Variants in RBFOX1 observed in about 807,000 individuals in gnomAD.
RBFOX1 encodes the protein RNA binding fox-1 homolog 1.
A neutral mutation model predicts 57.7 loss-of-function variants in RBFOX1; 8 were observed. That is an observed-to-expected ratio of 0.14 (90% confidence interval 0.08 to 0.25). The LOEUF is 0.25. RBFOX1 is among the 10% of genes least tolerant of loss of function. The pLI is 1.00. For missense variants in RBFOX1, 611 were observed against 548.5 expected, an observed-to-expected ratio of 1.11 and a Z score of -1.14; for synonymous variants, 326 against 222.4, an observed-to-expected ratio of 1.47 and a Z score of -4.15.
intron 4 of RBFOX1, among the ~76,000 whole-genome samples, chr16:7,073,748 A>G (rs1216599303): frequency 1.3e-5 from 2 of 152,140 alleles, no homozygotes; most frequent in Admixed American, 6.5e-5. Flanking sequence ...CCTTGGTACC[A>G]GTTACTCAGG....
At chr16:7,448,927 G>T (rs79537860) in intron 4 of RBFOX1, among the ~76,000 whole-genome samples, 1,402 of 82,866 alleles carry the variant, frequency 0.017, 29 homozygotes, top group African/African-American at 0.043. Context: ...TCTTTCCCCT[G>T]TTTTTTTTTT....
intron 4 of RBFOX1, among the ~76,000 whole-genome samples, chr16:7,185,152 G>C (rs1383323181): frequency 6.6e-6 from 1 of 152,100 alleles, no homozygotes. Flanking sequence ...ACTTTGCAAA[G>C]TGTCAACCGC....
At chr16:5,254,080 C>A (rs541382092) in intron 1 of RBFOX1, among the ~76,000 whole-genome samples, 1 of 152,224 alleles carries the variant, frequency 6.6e-6, no homozygotes, top group Non-Finnish European at 1.5e-5. Flanking sequence ...ATGCCTGTTT[C>A]TGATTCTCAT....
chr16:7,184,808 C>T (rs1045696488), intron 4 of RBFOX1, among the ~76,000 whole-genome samples: 1 of 152,112 alleles, frequency 6.6e-6, no homozygotes, highest in Non-Finnish European at 1.5e-5. Context: ...TGTATCAACT[C>T]AGAACTTTAG....
rs546481742 is a variant in RBFOX1 at position 5,876,479 on chromosome 16, T to A, written c.351+9144T>A. On this transcript the variant is annotated intron_variant, in intron 4 of 19. Coordinates refer to the RBFOX1 transcript ENST00000641259. Reference sequence around the variant, plus strand: ...TTAGAAAGTGAAGTCAGGAGTCACCTCCAGTCTCTTAGAGGCAAAGGCTCA... The same window carrying A: ...TTAGAAAGTGAAGTCAGGAGTCACCACCAGTCTCTTAGAGGCAAAGGCTCA... 3.1e-4 allele frequency among the ~76,000 whole-genome samples: 47 copies of A among 152,208 alleles called. 1 individual carries two copies. The East Asian group carries it at 8.3e-3, about 27-fold the overall frequency.
chr16:5,548,728 C>G (rs4442812), intron 2 of RBFOX1, among the ~76,000 whole-genome samples: 43,791 of 152,026 alleles, frequency 0.29, 6,958 homozygotes, highest in Non-Finnish European at 0.35. Context: ...ATTTCACTGT[C>G]TTGAGTGAGA....
intron 1 of RBFOX1, 119 bp downstream of exon 1, chr16:6,020,111 T>G: frequency 8.6e-7 from 1 of 1,167,078 alleles, no homozygotes; most frequent in South Asian, 2.3e-5. Flanking sequence ...AGCGCCAGTC[T>G]GGGCGCTCTG....
chr16:5,984,910 A>G (rs1168950564), intron 4 of RBFOX1, among the ~76,000 whole-genome samples: 1 of 149,084 alleles, frequency 6.7e-6, no homozygotes, highest in Non-Finnish European at 1.5e-5. Context: ...GTAAAAAGAC[A>G]GAATAAAAAT....
intron 1 of RBFOX1, among the ~76,000 whole-genome samples, chr16:5,363,153 C>A (rs2065602976): frequency 6.6e-6 from 1 of 150,926 alleles, no homozygotes; most frequent in African/African-American, 2.4e-5. Context: ...CCTGCTTCAG[C>A]CTCCTGAGTA....
intron 1 of RBFOX1, among the ~76,000 whole-genome samples, chr16:6,256,205 ATATGTG>A (rs2097663391): frequency 1.9e-4 from 7 of 36,448 alleles, no homozygotes; most frequent in African/African-American, 4.3e-4. Flanking sequence ...ATGTATATGT[ATATGTG>A]TATATATATG....
rs2095317101 is a variant in RBFOX1 at position 7,607,306 on chromosome 16, T to C, written c.644T>C (p.Val215Ala). Residue 215 changes from valine to alanine, a missense_variant, in exon 10 of 16, where the codon GTG (valine) becomes GCG (alanine). Val to Ala is a moderately conservative substitution (Grantham distance 64). Transcript: ENST00000550418. The part of the protein sequence containing the change: ...YTNGWKLNPV[V>A]GAVYSPEFYA... ...TAAGGCTGGAAATTGAATCCAGTTGTGGGTGCAGTCTACAGTCCCGAATTC... is the reference window on the plus strand; with the variant it reads ...TAAGGCTGGAAATTGAATCCAGTTGCGGGTGCAGTCTACAGTCCCGAATTC... The C allele has an allele frequency of 1.9e-6, 3 of 1,610,802 alleles. No homozygotes were observed. Among genetic ancestry groups the C allele is most frequent in the Non-Finnish European group, 2.5e-6 (3 of 1,179,188 alleles).
intron 4 of RBFOX1, among the ~76,000 whole-genome samples, chr16:7,391,076 A>G (rs886640814): frequency 1.3e-5 from 2 of 152,214 alleles, no homozygotes; most frequent in South Asian, 2.1e-4. Context: ...CTAGTCCTTA[A>G]GAACATAGCT....
chr16:6,869,201 C>T (rs2060450784), intron 3 of RBFOX1, among the ~76,000 whole-genome samples: 1 of 152,208 alleles, frequency 6.6e-6, no homozygotes, highest in South Asian at 2.1e-4. Context: ...TTCCTTCCCC[C>T]ACTTGCCATT....
At chr16:7,239,133 T>C (rs937179306) in intron 4 of RBFOX1, among the ~76,000 whole-genome samples, 3 of 152,222 alleles carry the variant, frequency 2.0e-5, no homozygotes, top group Non-Finnish European at 2.9e-5. Context: ...TATCATTTTC[T>C]CCTTTGCCTT....
At chr16:7,462,363 T>C (rs990726109) in intron 4 of RBFOX1, among the ~76,000 whole-genome samples, 1 of 152,168 alleles carries the variant, frequency 6.6e-6, no homozygotes, top group Admixed American at 6.5e-5. Flanking sequence ...GGTATGATGG[T>C]GGGCTCCTTT....
chr16:7,320,890 T>G (rs9927751), intron 4 of RBFOX1, among the ~76,000 whole-genome samples: 29,197 of 152,122 alleles, frequency 0.19, 4,507 homozygotes, highest in African/African-American at 0.44. Flanking sequence ...GTTCAGAAAG[T>G]TTAAGTAACT....
intron 3 of RBFOX1, among the ~76,000 whole-genome samples, chr16:6,674,519 G>A (rs1049043208): frequency 4.6e-5 from 7 of 151,954 alleles, no homozygotes; most frequent in Non-Finnish European, 2.9e-5. Context: ...ACGGGGTTTC[G>A]TCATGTTGAT....
intron 3 of RBFOX1, among the ~76,000 whole-genome samples, chr16:5,854,191 G>C (rs567926975): frequency 1.6e-4 from 25 of 152,254 alleles, no homozygotes; most frequent in African/African-American, 5.8e-4. Context: ...TGCCTGGTGA[G>C]AACACGTAAG....
In RBFOX1 at chr16:6,226,002, A is replaced by G. The variant is rs111718682; in HGVS notation, c.-126-90993A>G. Among the ~76,000 whole-genome samples the G allele has an allele frequency of 5.6e-3, 860 of 152,224 alleles. 6 individuals are homozygous for G. Among genetic ancestry groups the G allele is most frequent in the Non-Finnish European group, 9.4e-3 (638 of 68,012 alleles). On this transcript the variant is annotated intron_variant, in intron 1 of 15. Transcript: ENST00000550418. ...TCATGGGATTGTAACAATTCTAAGG[A>G]TGTTAAAAGTGATATACATTCCTGC...
Sources: gnomAD v4.1 joint callset for allele counts (sites outside exome capture counted in the v4.1 genomes callset) on GRCh38, gnomAD v4.1.1 for gene constraint, MANE v1.5 for transcripts, NCBI Gene and HGNC (gene_info 2026-07-23, HGNC 2026-07-21) for gene names.